CASP8: variants seen among roughly 807,000 people sequenced by gnomAD.
CASP8 encodes caspase 8, also known as caspase-8.
Under a neutral mutation model 46.3 loss-of-function variants are expected in CASP8, and 24 were observed. The ratio of observed to expected loss-of-function variants is 0.52; its 90% CI spans 0.38 to 0.73. CASP8 has a LOEUF of 0.73. Among genes scored for constraint, CASP8 ranks in the 30% least tolerant of loss-of-function variants. The probability of loss-of-function intolerance (pLI) is 0.00; values close to 1 mark genes in which losing one functional copy is unlikely to be tolerated. For missense variants in CASP8, 460 were observed against 559.0 expected, an observed-to-expected ratio of 0.82 and a Z score of 1.79; for synonymous variants, 188 against 200.4, an observed-to-expected ratio of 0.94 and a Z score of 0.52.
chr2:201,262,972 C>T lies in CASP8; in HGVS notation c.-27+2359C>T, dbSNP rs988614851. On this transcript the variant is annotated intron_variant, in intron 1 of 8. Transcript: ENST00000673742. Reference sequence around the variant, plus strand: ...AACACCTAGGCCAGAGAAGAAGCCACGTTAGCATTTTCCCTTCTAAATGTC... The same window carrying T: ...AACACCTAGGCCAGAGAAGAAGCCATGTTAGCATTTTCCCTTCTAAATGTC... 1.2e-4 allele frequency among the ~76,000 whole-genome samples: 18 copies of T among 152,198 alleles called. 1 individual carries two copies. The highest frequency in any genetic ancestry group is 9.2e-4 in the Admixed American group (14 of 15,272).
chr2:201,267,362 T>C (rs1576307226), intron 2 of CASP8, among the ~76,000 whole-genome samples: 1 of 151,986 alleles, frequency 6.6e-6, no homozygotes, highest in African/African-American at 2.4e-5. Flanking sequence ...GATTTAAGGG[T>C]TTTCTGCCAC....
In CASP8 at chr2:201,266,871, T is replaced by C. The variant is rs1297536443; in HGVS notation, c.305+80T>C. ...CTGAGCTGATTGGGGCTTTTTTTTG[T>C]GGTACCCTGCCTAGTGCCTGGGAAC... On this transcript the variant is annotated intron_variant, in intron 2 of 8. Transcript: ENST00000673742. The surrounding 1 kb of genome is among the most constrained non-coding windows in gnomAD (Gnocchi z 5.7). 1 of 1,042,180 alleles carries C rather than the reference T, an allele frequency of 9.6e-7. No individual in the cohort carries two copies. Among genetic ancestry groups the C allele is most frequent in the East Asian group, 2.5e-5 (1 of 40,284 alleles). The allele number at this position is 1,042,180 out of a possible 1,614,324, so 64.6% of individuals were successfully genotyped here.
intron 2 of CASP8, chr2:201,269,467 G>A (rs1576316575): frequency 2.1e-6 from 3 of 1,397,714 alleles, no homozygotes; most frequent in South Asian, 1.2e-5. Flanking sequence ...AAGGAAAGCC[G>A]AGGGGGGTCT....
chr2:201,280,611 A>G (rs1243278064), intron 7 of CASP8, among the ~76,000 whole-genome samples: 5 of 152,252 alleles, frequency 3.3e-5, no homozygotes, highest in African/African-American at 7.2e-5. Flanking sequence ...AGGGGCTCAA[A>G]AAATGTACTT....
intron 2 of CASP8, chr2:201,241,353 A>G (rs1448342317): frequency 6.6e-6 from 1 of 152,204 alleles, no homozygotes; most frequent in Non-Finnish European, 1.5e-5. Context: ...AATAAACAAT[A>G]TCAGAAATAA....
At chr2:201,255,905 G>T (rs1302271050), upstream of CASP8, among the ~76,000 whole-genome samples, 1 of 152,136 alleles carries the variant, frequency 6.6e-6, no homozygotes, top group Non-Finnish European at 1.5e-5. Context: ...ACAGATGCAT[G>T]CCACCATAAC....
chr2:201,249,263 G>A (rs1446799727), intron 2 of CASP8, among the ~76,000 whole-genome samples: 1 of 152,154 alleles, frequency 6.6e-6, no homozygotes, highest in African/African-American at 2.4e-5. Flanking sequence ...AGGAAATCAA[G>A]GCTCATTTTA....
At chr2:201,275,013 T>TGTTA in intron 6 of CASP8, 60 bp downstream of exon 6, 1 of 1,275,982 alleles carries the variant, frequency 7.8e-7, no homozygotes, top group Non-Finnish European at 1.1e-6. Flanking sequence ...TTTAATTTGT[T>TGTTA]AGCTTTTTTT....
intron 6 of CASP8, 53 bp downstream of exon 6, chr2:201,275,006 AATTT>A: frequency 7.7e-7 from 1 of 1,305,176 alleles, no homozygotes; most frequent in African/African-American, 1.5e-5. Context: ...CTAGTTATTT[AATTT>A]GTTAGCTTTT....
At chr2:201,244,726 C>A (rs576976096) in intron 2 of CASP8, among the ~76,000 whole-genome samples, 1 of 152,252 alleles carries the variant, frequency 6.6e-6, no homozygotes, top group South Asian at 2.1e-4. Flanking sequence ...AAAGGGATAA[C>A]TGATGAAGAG....
intron 1 of CASP8, chr2:201,262,413 A>G (rs1335194505): frequency 6.6e-6 from 1 of 151,554 alleles, no homozygotes; most frequent in African/African-American, 2.4e-5. Context: ...GGGCATAAAT[A>G]TATAAAATAA....
chr2:201,251,563 C>G (rs559678728), intron 2 of CASP8, among the ~76,000 whole-genome samples: 8 of 146,518 alleles, frequency 5.5e-5, no homozygotes, highest in South Asian at 2.2e-4. Context: ...CCACTGCACT[C>G]CAGCCTGGGC....
upstream of CASP8, chr2:201,258,379 G>A (rs879524077): frequency 7.4e-6 from 12 of 1,613,904 alleles, no homozygotes; most frequent in Non-Finnish European, 1.0e-5. Flanking sequence ...AAAGGGTGGA[G>A]CGGGTGAGTG....
intron 2 of CASP8, among the ~76,000 whole-genome samples, chr2:201,237,951 C>T (rs1241982898): frequency 6.6e-6 from 1 of 152,176 alleles, no homozygotes; most frequent in Non-Finnish European, 1.5e-5. Flanking sequence ...TTGATATAAA[C>T]TTAGAGAACA....
chr2:201,271,824 C>T (rs1344426445), intron 3 of CASP8, among the ~76,000 whole-genome samples: 1 of 152,152 alleles, frequency 6.6e-6, no homozygotes, highest in African/African-American at 2.4e-5. Context: ...GGGAGCAAGG[C>T]AGAGTCAGAG....
At chr2:201,271,455 T>C (rs1173147523) in intron 2 of CASP8, 61 bp from the exon 3 acceptor site, 1 of 1,006,526 alleles carries the variant, frequency 9.9e-7, no homozygotes, top group Non-Finnish European at 1.6e-6. Context: ...TGTGACTCCA[T>C]ATATCAAATG....
At chr2:201,277,039 G>A in intron 7 of CASP8, 71 bp downstream of exon 7, 2 of 1,125,356 alleles carry the variant, frequency 1.8e-6, no homozygotes, top group Non-Finnish European at 2.7e-6. Flanking sequence ...AAAAGGGAGA[G>A]AACAAAAGCT....
At chr2:201,253,910 C>T (rs1221400770) in intron 2 of CASP8, among the ~76,000 whole-genome samples, 3 of 151,880 alleles carry the variant, frequency 2.0e-5, no homozygotes, top group South Asian at 2.1e-4. Context: ...GGAGAAAACC[C>T]GTCTCTACTA....
chr2:201,283,093 G>T (rs1428627931), intron 7 of CASP8, among the ~76,000 whole-genome samples: 6 of 69,142 alleles, frequency 8.7e-5, no homozygotes, highest in African/African-American at 2.7e-4. Flanking sequence ...CGGGCGGGGG[G>T]CTGACCCCCC....
Sources: gnomAD v4.1 joint callset for allele counts (sites outside exome capture counted in the v4.1 genomes callset) on GRCh38, gnomAD v4.1.1 for gene constraint, Gnocchi (gnomAD v3.1) non-coding constraint, MANE v1.5 for transcripts, NCBI Gene and HGNC (gene_info 2026-07-23, HGNC 2026-07-21) for gene names.